Variants in ATAD2B observed in about 807,000 individuals in gnomAD.
The protein encoded by ATAD2B is ATPase family AAA domain containing 2B.
In ATAD2B, 40 loss-of-function variants were observed where a neutral mutation model predicts 167.6. The ratio of observed to expected loss-of-function variants is 0.24; its 90% confidence interval spans 0.19 to 0.31. The LOEUF (loss-of-function observed/expected upper bound fraction) is 0.31, where lower values mean the gene tolerates loss of function less well. Among genes scored for constraint, ATAD2B ranks in the 10% least tolerant of loss-of-function variants. ATAD2B has a pLI of 1.00. For missense variants in ATAD2B, 1,242 were observed against 1,757.2 expected (o/e 0.71, Z 5.24); for synonymous variants, 579 against 596.5 (o/e 0.97, Z 0.43).
chr2:23,701,460 C>G, the ATAD2B span, among the ~76,000 whole-genome samples: 1 of 152,204 alleles, frequency 6.6e-6, no homozygotes, highest in Admixed American at 6.5e-5. Flanking sequence ...CATCTGTAAT[C>G]CCAGCACTTT....
chr2:23,815,532 G>A (rs185329728), intron 17 of ATAD2B, among the ~76,000 whole-genome samples: 60 of 152,280 alleles, frequency 3.9e-4, no homozygotes, highest in African/African-American at 1.4e-3. Flanking sequence ...ACTGGTCAGG[G>A]TCTGAAGCTC....
chr2:23,767,773 C>T (rs185509223), intron 22 of ATAD2B, among the ~76,000 whole-genome samples: 37 of 152,098 alleles, frequency 2.4e-4, no homozygotes, highest in Middle Eastern at 3.4e-3. Flanking sequence ...GAAATGTGCT[C>T]TCAATGACAC....
At chr2:23,752,644 T>C (rs1675492291) in intron 27 of ATAD2B, among the ~76,000 whole-genome samples, 1 of 152,050 alleles carries the variant, frequency 6.6e-6, no homozygotes, top group Non-Finnish European at 1.5e-5. Context: ...CAGTCAGGAT[T>C]TGAATACAGG....
chr2:23,765,521 C>A lies in ATAD2B; in HGVS notation c.3241G>T (p.Ala1081Ser). The A allele has an allele frequency of 6.3e-7, 1 of 1,594,242 alleles. No individual in the cohort carries two copies. The highest frequency in any genetic ancestry group is 8.6e-7 in the Non-Finnish European group (1 of 1,168,086). The change falls in exon 23 of 28, where the codon GCA (alanine) becomes TCA (serine). Residue 1081 changes from alanine (A) to serine (S), a missense_variant. By Grantham distance (99) the Ala-to-Ser change is moderately conservative. Around this residue, in one of 9 missense-constraint regions of ATAD2B, gnomAD observed 204 missense variants for 324.0 expected, o/e 0.63. Transcript: ENST00000238789. ...FNKLCEEIKE[A>S]RIKRGLSVTS... ...TACAACTTACCTCTTTTTATTCTTGCTTCCTTAATTTCCTCACAAAGTTTA... is the reference window on the plus strand; with the variant it reads ...TACAACTTACCTCTTTTTATTCTTGATTCCTTAATTTCCTCACAAAGTTTA...
intron 18 of ATAD2B, among the ~76,000 whole-genome samples, chr2:23,804,051 G>A (rs72782117): frequency 0.1 from 15,633 of 152,142 alleles, 897 homozygotes; most frequent in Middle Eastern, 0.18. Flanking sequence ...GAACCAAAAA[G>A]GAATATAGAA....
At chr2:23,805,886 C>G (rs374232385) in intron 18 of ATAD2B, among the ~76,000 whole-genome samples, 2 of 149,500 alleles carry the variant, frequency 1.3e-5, no homozygotes, top group African/African-American at 4.9e-5. Flanking sequence ...TTATTTTCCC[C>G]CATAAATAGC....
chr2:23,741,021 A>T, the ATAD2B span, among the ~76,000 whole-genome samples: 2 of 152,168 alleles, frequency 1.3e-5, no homozygotes, highest in Non-Finnish European at 2.9e-5. Context: ...CTTCAAGAAG[A>T]ACTACAAACC....
chr2:23,753,322 G>C (rs1675574195), intron 27 of ATAD2B, among the ~76,000 whole-genome samples: 1 of 152,070 alleles, frequency 6.6e-6, no homozygotes, highest in Non-Finnish European at 1.5e-5. Flanking sequence ...AATATTCTTT[G>C]AGAGCAGAGA....
the ATAD2B span, among the ~76,000 whole-genome samples, chr2:23,724,250 A>G: frequency 3.3e-5 from 5 of 152,176 alleles, no homozygotes; most frequent in Non-Finnish European, 7.4e-5. Context: ...ATATAGTTTC[A>G]AATAGCTAGA....
intron 18 of ATAD2B, among the ~76,000 whole-genome samples, chr2:23,803,995 T>A (rs1683927601): frequency 6.6e-6 from 1 of 152,114 alleles, no homozygotes; most frequent in East Asian, 1.9e-4. Flanking sequence ...GAGATACCTC[T>A]GAGTATAGGA....
intron 1 of ATAD2B, among the ~76,000 whole-genome samples, chr2:23,914,156 A>G (rs766311443): frequency 6.6e-6 from 1 of 152,208 alleles, no homozygotes; most frequent in Non-Finnish European, 1.5e-5. Flanking sequence ...AGAAAAGAAC[A>G]GAGAGATCAG....
intron 10 of ATAD2B, chr2:23,866,024 T>TA (rs1459490209): frequency 1.8e-6 from 1 of 544,556 alleles, no homozygotes; most frequent in Non-Finnish European, 2.3e-6. Flanking sequence ...AAAGTGAAAG[T>TA]AAACTATTAA....
intron 1 of ATAD2B, among the ~76,000 whole-genome samples, chr2:23,917,920 T>C (rs1021793795): frequency 1.3e-5 from 2 of 151,510 alleles, no homozygotes; most frequent in South Asian, 4.2e-4. Flanking sequence ...TAGCCAGGCA[T>C]GGTGACGCAA....
chr2:23,871,611 C>T (rs1695987935), intron 8 of ATAD2B, among the ~76,000 whole-genome samples: 1 of 152,184 alleles, frequency 6.6e-6, no homozygotes, highest in Non-Finnish European at 1.5e-5. Context: ...AAGTAGAACA[C>T]TGAACACACT....
At chr2:23,922,859 C>T (rs1475430644) in intron 1 of ATAD2B, among the ~76,000 whole-genome samples, 1 of 151,902 alleles carries the variant, frequency 6.6e-6, no homozygotes, top group East Asian at 1.9e-4. Context: ...CAAGAGACAA[C>T]AAATATTGGG....
chr2:23,909,623 A>G (rs1349613442), intron 1 of ATAD2B, among the ~76,000 whole-genome samples: 2 of 152,102 alleles, frequency 1.3e-5, no homozygotes, highest in Non-Finnish European at 2.9e-5. Context: ...AAGGATGTAC[A>G]GCAGCTTTAA....
At chr2:23,828,766 C>A (rs938286896) in intron 15 of ATAD2B, 83 bp downstream of exon 15, 9 of 831,520 alleles carry the variant, frequency 1.1e-5, no homozygotes, top group African/African-American at 1.0e-4. Context: ...CATAACTATG[C>A]TCATTCACAT....
intron 1 of ATAD2B, among the ~76,000 whole-genome samples, chr2:23,914,112 A>G (rs1702685672): frequency 6.6e-6 from 1 of 152,214 alleles, no homozygotes; most frequent in South Asian, 2.1e-4. Context: ...ACAAAAAAAA[A>G]GTATAGTATT....
the ATAD2B span, among the ~76,000 whole-genome samples, chr2:23,724,017 G>C: frequency 6.6e-6 from 1 of 152,162 alleles, no homozygotes; most frequent in Non-Finnish European, 1.5e-5. Flanking sequence ...AGTAAGCCAG[G>C]AACAGAAAGT....
Sources: gnomAD v4.1 joint callset for allele counts (sites outside exome capture counted in the v4.1 genomes callset) on GRCh38, gnomAD v4.1.1 for gene constraint, gnomAD v4.1.1 regional missense constraint, MANE v1.5 for transcripts, NCBI Gene and HGNC (gene_info 2026-07-23, HGNC 2026-07-21) for gene names.